Variants in KMO observed in about 807,000 individuals in gnomAD.
The protein encoded by KMO is kynurenine 3-monooxygenase.
KMO carries 24 observed loss-of-function variants against 57.8 expected under a neutral mutation model. That is an observed-to-expected ratio of 0.42 (90% CI 0.30 to 0.58). KMO has a LOEUF of 0.58. Among genes scored for constraint, KMO ranks in the 20% least tolerant of loss-of-function variants. KMO has a pLI of 0.22. For missense variants in KMO, 483 were observed against 588.2 expected (o/e 0.82, Z 1.85); for synonymous variants, 210 against 193.6 (o/e 1.08, Z -0.70).
chr1:241,585,871 T>G (rs1356832256), intron 10 of KMO, among the ~76,000 whole-genome samples: 1 of 152,058 alleles, frequency 6.6e-6, no homozygotes, highest in East Asian at 1.9e-4. Context: ...TTCTCCATCC[T>G]CTCTGTATTT....
chr1:241,541,768 A>G, intron 1 of KMO, among the ~76,000 whole-genome samples: 1 of 152,236 alleles, frequency 6.6e-6, no homozygotes, highest in East Asian at 1.9e-4. Context: ...CATTGTAAGT[A>G]GAGTTAACAG....
chr1:241,533,963 G>C (rs1322333548), intron 1 of KMO, among the ~76,000 whole-genome samples: 2 of 152,208 alleles, frequency 1.3e-5, no homozygotes, highest in Non-Finnish European at 2.9e-5. Context: ...AGGCAATAAT[G>C]AGCTGCCCAA....
chr1:241,550,009 C>T, intron 3 of KMO: 1 of 451,610 alleles, frequency 2.2e-6, no homozygotes, highest in Non-Finnish European at 4.0e-6. Context: ...GGGTTCTCAA[C>T]AGGATGGTGC....
chr1:241,555,559 T>A, intron 4 of KMO, 53 bp from the exon 5 acceptor site: 1 of 958,294 alleles, frequency 1.0e-6, no homozygotes, highest in Non-Finnish European at 1.7e-6. Flanking sequence ...AACTTAGAAT[T>A]ATATTTGTCC....
At chr1:241,586,279 A>G (rs948724033) in intron 10 of KMO, among the ~76,000 whole-genome samples, 3 of 144,712 alleles carry the variant, frequency 2.1e-5, no homozygotes, top group Non-Finnish European at 3.0e-5. Context: ...GCTCACTGCA[A>G]CCTCCATCTC....
At chr1:241,587,664 G>C (rs1198927398) in intron 11 of KMO, among the ~76,000 whole-genome samples, 1 of 151,940 alleles carries the variant, frequency 6.6e-6, no homozygotes, top group East Asian at 1.9e-4. Flanking sequence ...GGCTGGTCTC[G>C]AACTCCTGAC....
chr1:241,547,364 T>C (rs550519899), intron 1 of KMO, among the ~76,000 whole-genome samples: 1 of 152,250 alleles, frequency 6.6e-6, no homozygotes, highest in East Asian at 1.9e-4. Context: ...GAATGGAAGA[T>C]ATTTTTAATG....
At chr1:241,535,242 ATCT>A (rs1288848032) in intron 1 of KMO, among the ~76,000 whole-genome samples, 8 of 152,076 alleles carry the variant, frequency 5.3e-5, no homozygotes, top group Non-Finnish European at 8.8e-5. Context: ...ATTTTTGCCC[ATCT>A]TCTTCTGTTT....
At chr1:241,562,127 A>T in intron 6 of KMO, 40 bp from the exon 7 acceptor site, 1 of 1,573,888 alleles carries the variant, frequency 6.4e-7, no homozygotes, top group Non-Finnish European at 8.7e-7. Flanking sequence ...TTTCACCACT[A>T]GACATATTTT....
At chr1:241,543,971 C>A (rs11588309) in intron 1 of KMO, among the ~76,000 whole-genome samples, 46,547 of 152,042 alleles carry the variant, frequency 0.31, 7,979 homozygotes, top group Non-Finnish European at 0.39. Flanking sequence ...AGAAAAAGAA[C>A]GTAACAAACC....
chr1:241,569,324 A>T (rs1317420239), intron 10 of KMO, among the ~76,000 whole-genome samples: 1 of 151,162 alleles, frequency 6.6e-6, no homozygotes, highest in South Asian at 2.1e-4. Flanking sequence ...CTTCCACCCT[A>T]CTACCATTCC....
intron 10 of KMO, among the ~76,000 whole-genome samples, chr1:241,576,823 A>G (rs1285817902): frequency 6.6e-6 from 1 of 152,064 alleles, no homozygotes; most frequent in African/African-American, 2.4e-5. Flanking sequence ...TATTCCCTCA[A>G]ATTAGTTTCC....
At position 241,560,091 on chromosome 1, in the gene KMO, C is replaced by G. The variant is rs1399142783; in HGVS notation, c.362-574C>G. ...TTCACTCAATTCTCTAGAGTGCTAG[C>G]AGGCAAAACAGAAAATTACGAAAAT... On this transcript the variant is annotated intron_variant, in intron 5 of 14. Coordinates refer to ENST00000366559, the MANE Select transcript of KMO (RefSeq NM_003679.5). 2.0e-5 allele frequency among the ~76,000 whole-genome samples: 3 copies of G among 152,264 alleles called. No homozygotes were observed. The East Asian group carries it at 5.8e-4, about 29-fold the overall frequency.
chr1:241,592,654 G>A lies in KMO; in HGVS notation c.*501G>A, dbSNP rs1663348746. On this transcript the variant is annotated 3_prime_UTR_variant, in exon 15 of 15. Coordinates refer to ENST00000366559, the MANE Select transcript of KMO (RefSeq NM_003679.5). The stretch of plus-strand genomic sequence containing the variant: ...ATAAGGAATTCAGGGGAGTTCCAGA[G>A]ACTTACAAAATGAACTCATTTTATT... 1 of 153,760 alleles carries A rather than the reference G, an allele frequency of 6.5e-6. No individual in the cohort carries two copies. The highest frequency in any genetic ancestry group is 2.4e-5 in the African/African-American group (1 of 41,208). The allele number at this position is 153,760 out of a possible 1,614,324, so 9.5% of individuals were successfully genotyped here.
At chr1:241,585,855 T>C (rs1662957704) in intron 10 of KMO, among the ~76,000 whole-genome samples, 1 of 152,032 alleles carries the variant, frequency 6.6e-6, no homozygotes, top group Admixed American at 6.6e-5. Flanking sequence ...GAAACATTGT[T>C]TTCAATTCTC....
intron 1 of KMO, chr1:241,536,600 C>A: frequency 1.8e-6 from 1 of 545,866 alleles, no homozygotes; most frequent in Non-Finnish European, 2.3e-6. Context: ...TCTCAGCTGA[C>A]TCCTGCTGTT....
At chr1:241,568,439 A>C in intron 9 of KMO, 61 bp from the exon 10 acceptor site, 1 of 1,501,572 alleles carries the variant, frequency 6.7e-7, no homozygotes, top group East Asian at 2.3e-5. Context: ...AACCTGAAAG[A>C]ATTTAGCAGG....
intron 1 of KMO, among the ~76,000 whole-genome samples, chr1:241,542,326 G>A (rs530202372): frequency 1.3e-5 from 2 of 152,256 alleles, no homozygotes; most frequent in South Asian, 2.1e-4. Flanking sequence ...TAAGTGGTAG[G>A]TTAGGCATCC....
intron 12 of KMO, among the ~76,000 whole-genome samples, chr1:241,589,147 G>A (rs2147986222): frequency 6.6e-6 from 1 of 152,254 alleles, no homozygotes; most frequent in Non-Finnish European, 1.5e-5. Context: ...ACTTTCAGAT[G>A]TGTCAACATA....
Sources: gnomAD v4.1 joint callset for allele counts (sites outside exome capture counted in the v4.1 genomes callset) on GRCh38, gnomAD v4.1.1 for gene constraint, MANE v1.5 for transcripts, NCBI Gene and HGNC (gene_info 2026-07-23, HGNC 2026-07-21) for gene names.